MYBBP1A: variants seen among roughly 807,000 people sequenced by gnomAD.
MYBBP1A encodes MYB binding protein 1a, also known as myb-binding protein 1A.
In MYBBP1A, 147 loss-of-function variants were observed where a neutral mutation model predicts 136.3. The ratio of observed to expected loss-of-function variants is 1.08; its 90% CI spans 0.94 to 1.24. The LOEUF is 1.24. Among genes scored for constraint, MYBBP1A ranks in the 50% most tolerant of loss-of-function variants. The pLI is 0.00. For missense variants in MYBBP1A, 2,060 were observed against 1,727.4 expected (o/e 1.19, Z -3.41); for synonymous variants, 947 against 735.8 (o/e 1.29, Z -4.65).
chr17:4,551,927 G>C lies in MYBBP1A; in HGVS notation c.976C>G (p.Gln326Glu), dbSNP rs755087407. The C allele has an allele frequency of 6.8e-6, 11 of 1,613,122 alleles. No homozygotes were observed. In the South Asian group the frequency reaches 1.2e-4, roughly 18 times the overall value. Residue 326 changes from glutamine (Q) to glutamate (E), a missense_variant, in exon 8 of 26, where the codon CAG becomes GAG. By Grantham distance (29) the Gln-to-Glu change is conservative. Transcript: ENST00000254718. The part of the protein sequence containing the change: ...LTKEQLHLVM[Q>E]GDVIRHYGEH... ...CCGTAATGGCGGATCACGTCTCCCT[G>C]CATCACCAGGTGCAGCTGCTCCTTG...
chr17:4,548,175 G>A lies in MYBBP1A; in HGVS notation c.1692C>T (p.Pro564=). 1 of 1,605,720 alleles carries A rather than the reference G, an allele frequency of 6.2e-7. No individual in the cohort carries two copies. The highest frequency in any genetic ancestry group is 1.1e-5 in the South Asian group (1 of 91,080). Residue 564 remains proline, a synonymous_variant, in exon 12 of 26, where the codon CCC becomes CCT. Transcript: ENST00000254718. The surrounding 1 kb of genome is among the most constrained non-coding windows in gnomAD (Gnocchi z 4.2). ...AGGCCTGGCGCTGCTGCGCAGTGAA[G>A]GGTGTCACGGTGGTCACGTTGTGGC... ...NHSHNVTTVT[P]FTAQQRQAWD...
At position 4,549,413 on chromosome 17, in the gene MYBBP1A, T is replaced by TA. The variant is rs1907303004; in HGVS notation, c.1348_1349insT (p.Lys450IlefsTer24). 1 of 1,613,024 alleles carries TA rather than the reference T, an allele frequency of 6.2e-7. No homozygotes were observed. Among genetic ancestry groups the TA allele is most frequent in the Non-Finnish European group, 8.5e-7 (1 of 1,179,906 alleles). On this transcript the variant is annotated frameshift_variant, in exon 10 of 26. Transcript: ENST00000254718. LOFTEE classifies it high-confidence loss of function. ...GCTCACCAATCGAAAGATGATCCATTTCCTCAGCCGGAACACAGCTCGCTC... is the reference window on the plus strand; with the variant it reads ...GCTCACCAATCGAAAGATGATCCATTATCCTCAGCCGGAACACAGCTCGCTC...
Position 4,539,387 on chromosome 17 carries a change from A to G in MYBBP1A, c.*28T>C. The G allele has an allele frequency of 1.3e-6, 2 of 1,548,704 alleles. No homozygotes were observed. The highest frequency in any genetic ancestry group is 1.2e-5 in the South Asian group (1 of 81,814). On this transcript the variant is annotated 3_prime_UTR_variant, in exon 26 of 26. Coordinates refer to ENST00000254718, the MANE Select transcript of MYBBP1A (RefSeq NM_014520.4). ...ATAGGCGTCTCAGGCAGATGGAGGCAGGGGCTGAGGGGGGCCCGTACCTGT... is the reference window on the plus strand; with the variant it reads ...ATAGGCGTCTCAGGCAGATGGAGGCGGGGGCTGAGGGGGGCCCGTACCTGT...
Position 4,548,753 on chromosome 17 carries a change from G to A in MYBBP1A, c.1431-104C>T, listed in dbSNP as rs997296685. Reference sequence around the variant, plus strand: ...GAGGGTACAAGGCCAGGAGGAGGAGGAGCCGCCCTTCTGCCCTGGGTACAG... The same window carrying A: ...GAGGGTACAAGGCCAGGAGGAGGAGAAGCCGCCCTTCTGCCCTGGGTACAG... On this transcript the variant is annotated intron_variant, in intron 10 of 25. Coordinates refer to ENST00000254718, the MANE Select transcript of MYBBP1A (RefSeq NM_014520.4). This position sits in a 1 kb window ranked among gnomAD's most constrained non-coding sequence, Gnocchi z 4.2. 6.7e-6 allele frequency: 10 copies of A among 1,495,864 alleles called. No individual in the cohort carries two copies. Among genetic ancestry groups the A allele is most frequent in the African/African-American group, 5.5e-5 (4 of 72,444 alleles). 92.7% of individuals were successfully genotyped at this position (1,495,864 alleles called of 1,614,324 possible). A position where few individuals can be genotyped will look rare whatever the true frequency, so the allele number is the denominator to read the frequency against.
intron 13 of MYBBP1A, among the ~76,000 whole-genome samples, chr17:4,546,614 G>A (rs548857504): frequency 1.3e-5 from 2 of 152,302 alleles, no homozygotes; most frequent in East Asian, 1.9e-4. Flanking sequence ...GCTTGGCTTG[G>A]CATGAGAGAC....
Position 4,539,169 on chromosome 17 carries a change from C to T in MYBBP1A, c.*246G>A, listed in dbSNP as rs547332246. The stretch of plus-strand genomic sequence containing the variant: ...GCAAACACCAGAGCCCTGGACATGG[C>T]CCTGGAGCCAGGGTCCCAGCCCAGA... On this transcript the variant is annotated 3_prime_UTR_variant, in exon 26 of 26. Transcript: ENST00000254718. The T allele has an allele frequency of 1.4e-5, 20 of 1,455,848 alleles. No homozygotes were observed. The highest frequency in any genetic ancestry group is 2.4e-4 in the Middle Eastern group (1 of 4,094). 90.2% of individuals were successfully genotyped at this position (1,455,848 alleles called of 1,614,324 possible).
rs139785008 is a variant in MYBBP1A at position 4,543,049 on chromosome 17, G to A, written c.2756C>T (p.Thr919Ile). ...QQAGRQPDSPTALYHFNASLY... is the reference protein window; with the variant it reads ...QQAGRQPDSPIALYHFNASLY... The stretch of plus-strand genomic sequence containing the variant: ...AGAGGCGTTGAAGTGGTAGAGGGCG[G>A]TGGGGGAGTCGGGCTGGCGGCCAGC... The change falls in exon 20 of 26, where the codon ACC becomes ATC. Residue 919 changes from threonine (T) to isoleucine (I), a missense_variant. Physicochemically the swap from Thr to Ile is moderately conservative, Grantham distance 89. Transcript: ENST00000254718. The A allele has an allele frequency of 4.1e-5, 66 of 1,613,592 alleles. No homozygotes were observed. Among genetic ancestry groups the A allele is most frequent in the Non-Finnish European group, 5.6e-5 (66 of 1,179,968 alleles).
intron 19 of MYBBP1A, chr17:4,543,370 G>A (rs983012530): frequency 5.8e-5 from 38 of 657,372 alleles, no homozygotes; most frequent in South Asian, 2.3e-4. Context: ...TGACAGGGGC[G>A]CTCCAGGGGA....
Position 4,539,170 on chromosome 17 carries a change from C to G in MYBBP1A, c.*245G>C, listed in dbSNP as rs531479009. On this transcript the variant is annotated 3_prime_UTR_variant, in exon 26 of 26. Coordinates refer to ENST00000254718, the MANE Select transcript of MYBBP1A (RefSeq NM_014520.4). ...CAAACACCAGAGCCCTGGACATGGC[C>G]CTGGAGCCAGGGTCCCAGCCCAGAA... 6.9e-7 allele frequency: 1 copy of G among 1,455,356 alleles called. No individual in the cohort carries two copies. The highest frequency in any genetic ancestry group is 1.4e-5 in the African/African-American group (1 of 69,830). 90.2% of individuals were successfully genotyped at this position (1,455,356 alleles called of 1,614,324 possible).
In MYBBP1A at chr17:4,539,281, G is replaced by A. The variant is rs962882107; in HGVS notation, c.*134C>T. ...GCCAGAGCAGGATGCCCGGGCAGGC[G>A]GCAACAGCCACCCTCCCCAGTGGCA... On this transcript the variant is annotated 3_prime_UTR_variant, in exon 26 of 26. Coordinates refer to ENST00000254718, the MANE Select transcript of MYBBP1A (RefSeq NM_014520.4). The A allele has an allele frequency of 6.5e-5, 97 of 1,492,036 alleles. 1 individual carries two copies. Among genetic ancestry groups the A allele is most frequent in the African/African-American group, 2.4e-4 (17 of 71,226 alleles). 92.4% of individuals were successfully genotyped at this position (1,492,036 alleles called of 1,614,324 possible).
At position 4,541,874 on chromosome 17, in the gene MYBBP1A, C is replaced by T; in HGVS notation, c.3105G>A (p.Gln1035=). ...RPRHQACLLL[Q]KTLSMREVRS... Reference sequence around the variant, plus strand: ...TCACCTCCCGCATGGACAGGGTCTTCTGGAGCAGCAGGCAGGCCTGTGGGT... The same window carrying T: ...TCACCTCCCGCATGGACAGGGTCTTTTGGAGCAGCAGGCAGGCCTGTGGGT... Residue 1035 remains glutamine, a synonymous_variant, in exon 23 of 26, where the codon CAG becomes CAA. Coordinates refer to ENST00000254718, the MANE Select transcript of MYBBP1A (RefSeq NM_014520.4). 1 of 1,613,800 alleles carries T rather than the reference C, an allele frequency of 6.2e-7. No homozygotes were observed. The highest frequency in any genetic ancestry group is 8.5e-7 in the Non-Finnish European group (1 of 1,179,984).
rs983434930 is a variant in MYBBP1A at position 4,540,769 on chromosome 17, G to T, written c.3298-285C>A. Among the ~76,000 whole-genome samples, 19 of 152,162 alleles carry T rather than the reference G, an allele frequency of 1.2e-4. 1 individual carries two copies. The highest frequency in any genetic ancestry group is 2.2e-4 in the Non-Finnish European group (15 of 67,982). Reference sequence around the variant, plus strand: ...CCCGGGCCCACCCACCTCCAAGAGGGCCACTCCCCAGCACTCCATCACCGC... The same window carrying T: ...CCCGGGCCCACCCACCTCCAAGAGGTCCACTCCCCAGCACTCCATCACCGC... On this transcript the variant is annotated intron_variant, in intron 24 of 25. Transcript: ENST00000254718.
At position 4,540,248 on chromosome 17, in the gene MYBBP1A, T is replaced by G; in HGVS notation, c.3434+100A>C. 8 of 1,424,896 alleles carry G rather than the reference T, an allele frequency of 5.6e-6. No homozygotes were observed. In the South Asian group the frequency reaches 1.1e-4, roughly 19 times the overall value. 88.3% of individuals were successfully genotyped at this position (1,424,896 alleles called of 1,614,324 possible). A position where few individuals can be genotyped will look rare whatever the true frequency, so the allele number is the denominator to read the frequency against. ...TGTGCAGCAGCATGCGTGTGCAGTGTGCGTGTGCAGCAGCGTGTGTGCAGC... is the reference window on the plus strand; with the variant it reads ...TGTGCAGCAGCATGCGTGTGCAGTGGGCGTGTGCAGCAGCGTGTGTGCAGC... On this transcript the variant is annotated intron_variant, in intron 25 of 25. Transcript: ENST00000254718.
chr17:4,548,073 C>A lies in MYBBP1A; in HGVS notation c.1725-16G>T. The A allele has an allele frequency of 3.1e-6, 5 of 1,589,002 alleles. No individual in the cohort carries two copies. The highest frequency in any genetic ancestry group is 2.2e-5 in the South Asian group (2 of 89,028). ...CTGCAGCATCCTGCGGGGAGACAGG[C>A]GATTCCCAGGCCCCTGCACCAGTCA... On this transcript the variant is annotated splice_polypyrimidine_tract_variant and intron_variant, in intron 12 of 25. Transcript: ENST00000254718. The surrounding 1 kb of genome is among the most constrained non-coding windows in gnomAD (Gnocchi z 4.2).
At position 4,548,064 on chromosome 17, in the gene MYBBP1A, G is replaced by T; in HGVS notation, c.1725-7C>A. On this transcript the variant is annotated splice_polypyrimidine_tract_variant and splice_region_variant and intron_variant, in intron 12 of 25. Transcript: ENST00000254718. This position sits in a 1 kb window ranked among gnomAD's most constrained non-coding sequence, Gnocchi z 4.2. ...CTTCAGAGTCTGCAGCATCCTGCGG[G>T]GAGACAGGCGATTCCCAGGCCCCTG... 6.3e-7 allele frequency: 1 copy of T among 1,584,900 alleles called. No individual in the cohort carries two copies. Among genetic ancestry groups the T allele is most frequent in the South Asian group, 1.1e-5 (1 of 88,448 alleles).
At chr17:4,540,622 CCTGTT>C in intron 24 of MYBBP1A, 138 bp from the exon 25 acceptor site, 3 of 1,077,022 alleles carry the variant, frequency 2.8e-6, no homozygotes, top group Non-Finnish European at 3.8e-6. Context: ...TCTCCTTCTG[CCTGTT>C]AAGTCATCCG....
chr17:4,543,921 T>C (rs1446024264), intron 19 of MYBBP1A, among the ~76,000 whole-genome samples: 4 of 152,134 alleles, frequency 2.6e-5, no homozygotes, highest in African/African-American at 9.7e-5. Flanking sequence ...ATAATGCCTC[T>C]GTGGCCTCCA....
Position 4,539,299 on chromosome 17 carries a change from C to A in MYBBP1A, c.*116G>T, listed in dbSNP as rs1906108620. On this transcript the variant is annotated 3_prime_UTR_variant, in exon 26 of 26. Coordinates refer to ENST00000254718, the MANE Select transcript of MYBBP1A (RefSeq NM_014520.4). Reference sequence around the variant, plus strand: ...GGCAGGCGGCAACAGCCACCCTCCCCAGTGGCAGCGCCTTAGAAACAGCTT... The same window carrying A: ...GGCAGGCGGCAACAGCCACCCTCCCAAGTGGCAGCGCCTTAGAAACAGCTT... 2 of 1,495,964 alleles carry A rather than the reference C, an allele frequency of 1.3e-6. No homozygotes were observed. Among genetic ancestry groups the A allele is most frequent in the Non-Finnish European group, 1.8e-6 (2 of 1,133,784 alleles). 92.7% of individuals were successfully genotyped at this position (1,495,964 alleles called of 1,614,324 possible). A position where few individuals can be genotyped will look rare whatever the true frequency, so the allele number is the denominator to read the frequency against.
chr17:4,542,587 G>A (rs775438576), intron 21 of MYBBP1A, 29 bp downstream of exon 21: 1 of 1,613,516 alleles, frequency 6.2e-7, no homozygotes, highest in South Asian at 1.1e-5. Context: ...CAGGGACCAT[G>A]AGGAAGCAGG....
Sources: allele counts gnomAD v4.1 joint callset (sites outside exome capture counted in the v4.1 genomes callset), GRCh38; gene constraint gnomAD v4.1.1; non-coding constraint Gnocchi (gnomAD v3.1); transcripts MANE v1.5; gene names NCBI Gene and HGNC (gene_info 2026-07-23, HGNC 2026-07-21).